Variants in TMED3 observed in about 807,000 individuals in gnomAD.
TMED3 encodes transmembrane p24 trafficking protein 3, also known as transmembrane emp24 domain-containing protein 3.
A neutral mutation model predicts 15.0 loss-of-function variants in TMED3; 9 were observed. That is an observed-to-expected ratio of 0.60 (90% CI 0.36 to 1.04). TMED3 has a LOEUF of 1.04. TMED3 is among the 50% of genes least tolerant of loss of function. The pLI is 0.01. For synonymous variants in TMED3, 117 were observed against 121.4 expected (o/e 0.96, Z 0.24); for missense variants, 267 against 278.9 (o/e 0.96, Z 0.30).
At chr15:79,395,068 T>C (rs1893745711) in intron 2 of TMED3, among the ~76,000 whole-genome samples, 1 of 152,226 alleles carries the variant, frequency 6.6e-6, no homozygotes, top group South Asian at 2.1e-4. Context: ...CATTCTTTTC[T>C]ACTCTCTTTT....
intron 2 of TMED3, among the ~76,000 whole-genome samples, chr15:79,344,056 G>T (rs1041394597): frequency 6.6e-6 from 1 of 152,178 alleles, no homozygotes; most frequent in Non-Finnish European, 1.5e-5. Flanking sequence ...CTCGGCCTAC[G>T]TAGTTCACCA....
chr15:79,342,257 AC>A (rs1368717606), intron 2 of TMED3, among the ~76,000 whole-genome samples: 1 of 148,694 alleles, frequency 6.7e-6, no homozygotes, highest in African/African-American at 2.5e-5. Context: ...ACAAAGCAAA[AC>A]CCAATTTTAT....
intron 2 of TMED3, among the ~76,000 whole-genome samples, chr15:79,393,802 A>G (rs1893727369): frequency 6.6e-6 from 1 of 151,792 alleles, no homozygotes; most frequent in Non-Finnish European, 1.5e-5. Context: ...CTCAAGCCAT[A>G]CTCCCACCTC....
intron 2 of TMED3, among the ~76,000 whole-genome samples, chr15:79,335,984 CAG>C (rs34544697): frequency 0.098 from 14,865 of 152,184 alleles, 757 homozygotes; most frequent in Admixed American, 0.12. Context: ...AACTGAGACA[CAG>C]AGAATTTAAT....
chr15:79,318,572 G>A (rs889300419), intron 2 of TMED3, among the ~76,000 whole-genome samples: 1 of 152,226 alleles, frequency 6.6e-6, no homozygotes, highest in Non-Finnish European at 1.5e-5. Flanking sequence ...TACCAAGTCT[G>A]CCTGTATAGG....
downstream of TMED3, among the ~76,000 whole-genome samples, chr15:79,326,063 A>G (rs1157622717): frequency 6.6e-6 from 1 of 152,174 alleles, no homozygotes; most frequent in Non-Finnish European, 1.5e-5. Context: ...AATCAAGTTG[A>G]CACCTCATAT....
intron 2 of TMED3, among the ~76,000 whole-genome samples, chr15:79,342,808 A>T (rs1001152434): frequency 4.6e-5 from 7 of 152,242 alleles, no homozygotes; most frequent in Admixed American, 2.6e-4. Flanking sequence ...ATAATAACAT[A>T]AAACACAAAG....
chr15:79,375,106 C>T (rs1595904418), intron 2 of TMED3, among the ~76,000 whole-genome samples: 1 of 152,298 alleles, frequency 6.6e-6, no homozygotes, highest in East Asian at 1.9e-4. Flanking sequence ...TCCCCAAAGC[C>T]TCAAAAGGCT....
intron 2 of TMED3, among the ~76,000 whole-genome samples, chr15:79,395,473 G>A (rs1205522015): frequency 2.6e-5 from 4 of 152,112 alleles, no homozygotes; most frequent in African/African-American, 7.2e-5. Flanking sequence ...GAGCCACCGC[G>A]CCTGGCCAAT....
intron 1 of TMED3, among the ~76,000 whole-genome samples, chr15:79,312,815 A>G (rs2058721861): frequency 6.6e-6 from 1 of 152,160 alleles, no homozygotes; most frequent in East Asian, 1.9e-4. Flanking sequence ...GTTAATAGCT[A>G]CTTGACCCAT....
chr15:79,378,874 AG>A (rs140482871), intron 2 of TMED3, among the ~76,000 whole-genome samples: 5,475 of 152,254 alleles, frequency 0.036, 144 homozygotes, highest in Admixed American at 0.083. Context: ...AGAAATATGG[AG>A]GTGGGAATAG....
intron 2 of TMED3, among the ~76,000 whole-genome samples, chr15:79,359,236 T>TG (rs1208348829): frequency 6.7e-6 from 1 of 149,494 alleles, no homozygotes; most frequent in Non-Finnish European, 1.5e-5. Flanking sequence ...CTCAGTTTTT[T>TG]TTTTTTTTTT....
At chr15:79,341,371 A>G (rs1014130096) in intron 2 of TMED3, among the ~76,000 whole-genome samples, 1 of 152,066 alleles carries the variant, frequency 6.6e-6, no homozygotes, top group African/African-American at 2.4e-5. Context: ...AGATGGGAAT[A>G]GGTATATGTA....
intron 2 of TMED3, chr15:79,411,352 G>T (rs1174360364): frequency 1.4e-6 from 1 of 699,938 alleles, no homozygotes; most frequent in South Asian, 1.5e-5. Flanking sequence ...GCAGTTCATG[G>T]TTCCACATTT....
chr15:79,325,958 C>T (rs2058785966), downstream of TMED3, among the ~76,000 whole-genome samples: 2 of 152,174 alleles, frequency 1.3e-5, no homozygotes, highest in Admixed American at 1.3e-4. Context: ...GGGTCATCCT[C>T]TCCCAGTCCA....
At chr15:79,343,009 T>A (rs2058856936) in intron 2 of TMED3, among the ~76,000 whole-genome samples, 1 of 152,136 alleles carries the variant, frequency 6.6e-6, no homozygotes, top group African/African-American at 2.4e-5. Context: ...CGATGAGATT[T>A]TGTTTGAGCA....
At chr15:79,388,495 G>A (rs571958175) in intron 2 of TMED3, among the ~76,000 whole-genome samples, 3 of 151,498 alleles carry the variant, frequency 2.0e-5, no homozygotes, top group Non-Finnish European at 2.9e-5. Flanking sequence ...TTATCCACTC[G>A]TTGATTGATG....
chr15:79,320,372 T>G (rs1159675368), intron 2 of TMED3, among the ~76,000 whole-genome samples: 2 of 152,182 alleles, frequency 1.3e-5, no homozygotes, highest in Non-Finnish European at 2.9e-5. Context: ...TTAATGATAT[T>G]CATATATAAT....
chr15:79,332,742 A>C (rs1464748145), intron 2 of TMED3, among the ~76,000 whole-genome samples: 3 of 152,148 alleles, frequency 2.0e-5, no homozygotes, highest in African/African-American at 7.2e-5. Flanking sequence ...CCATGGATTA[A>C]TATCTCCCTC....
Sources: allele counts gnomAD v4.1 joint callset (sites outside exome capture counted in the v4.1 genomes callset), GRCh38; gene constraint gnomAD v4.1.1; transcripts MANE v1.5; gene names NCBI Gene and HGNC (gene_info 2026-07-23, HGNC 2026-07-21).